ZNF385D: variants seen among roughly 807,000 people sequenced by gnomAD.
ZNF385D encodes zinc finger protein 385D, also known as zinc finger protein 659.
A neutral mutation model predicts 35.8 loss-of-function variants in ZNF385D; 15 were observed. The observed-to-expected ratio is 0.42, with a 90% CI of 0.28 to 0.64. The LOEUF (loss-of-function observed/expected upper bound fraction) is 0.64. ZNF385D is among the 30% of genes least tolerant of loss of function. ZNF385D has a pLI of 0.23. For synonymous variants in ZNF385D, 212 were observed against 186.8 expected, an observed-to-expected ratio of 1.13 and a Z score of -1.10; for missense variants, 474 against 494.6, an observed-to-expected ratio of 0.96 and a Z score of 0.39.
chr3:21,711,590 T>C (rs908897230), intron 1 of ZNF385D, among the ~76,000 whole-genome samples: 1 of 152,190 alleles, frequency 6.6e-6, no homozygotes, highest in East Asian at 1.9e-4. Flanking sequence ...TGCTATCTTA[T>C]AGAGAAAACA....
At chr3:21,499,987 T>G (rs1335427355) in intron 4 of ZNF385D, among the ~76,000 whole-genome samples, 1 of 152,170 alleles carries the variant, frequency 6.6e-6, no homozygotes, top group African/African-American at 2.4e-5. Flanking sequence ...TCCGACTCAA[T>G]AGAGCTTTTT....
At chr3:22,204,895 C>T (rs1318342059) in intron 2 of ZNF385D, among the ~76,000 whole-genome samples, 2 of 146,332 alleles carry the variant, frequency 1.4e-5, no homozygotes, top group Non-Finnish European at 3.0e-5. Flanking sequence ...ATCTAAGAGA[C>T]ACTGGCCATA....
intron 3 of ZNF385D, among the ~76,000 whole-genome samples, chr3:22,041,095 C>T (rs921445099): frequency 1.3e-5 from 2 of 152,068 alleles, no homozygotes; most frequent in Non-Finnish European, 2.9e-5. Flanking sequence ...TCAGTTCTCC[C>T]GCTCTGTCAC....
At chr3:22,145,555 T>G (rs1704797445) in intron 3 of ZNF385D, among the ~76,000 whole-genome samples, 3 of 152,282 alleles carry the variant, frequency 2.0e-5, no homozygotes, top group South Asian at 4.1e-4. Context: ...TCCCTGACCA[T>G]GTGGCATTTC....
intron 2 of ZNF385D, among the ~76,000 whole-genome samples, chr3:21,608,642 C>A (rs567232310): frequency 6.6e-6 from 1 of 152,214 alleles, no homozygotes; most frequent in South Asian, 2.1e-4. Context: ...ACAAAGAGTT[C>A]AAAAAATGTC....
rs145248251 is a variant in ZNF385D at position 21,814,301 on chromosome 3, A to G, written c.326-149273T>C. Among the ~76,000 whole-genome samples, 1,407 of 152,304 alleles carry G rather than the reference A, an allele frequency of 9.2e-3. 13 individuals carry two copies. The highest frequency in any genetic ancestry group is 0.012 in the Non-Finnish European group (845 of 68,018). Reference sequence around the variant, plus strand: ...AAGAAACTGCATCAACTAACGTGCAAAATAACCAGCTAACATCATAATGAT... The same window carrying G: ...AAGAAACTGCATCAACTAACGTGCAGAATAACCAGCTAACATCATAATGAT... On this transcript the variant is annotated intron_variant, in intron 3 of 5. Transcript: ENST00000494108.
intron 3 of ZNF385D, among the ~76,000 whole-genome samples, chr3:22,038,491 G>A: frequency 6.6e-6 from 1 of 152,118 alleles, no homozygotes; most frequent in Non-Finnish European, 1.5e-5. Context: ...GACTGGAGCA[G>A]AGGTAGCATT....
chr3:22,098,412 AGGGAG>A, intron 3 of ZNF385D, among the ~76,000 whole-genome samples: 1 of 152,202 alleles, frequency 6.6e-6, no homozygotes, highest in Middle Eastern at 3.4e-3. Context: ...GTTTAGGAAA[AGGGAG>A]CATTTGGGAG....
At chr3:21,652,295 C>G (rs2065938391) in intron 2 of ZNF385D, among the ~76,000 whole-genome samples, 1 of 151,894 alleles carries the variant, frequency 6.6e-6, no homozygotes, top group South Asian at 2.1e-4. Flanking sequence ...TTGAACAAGC[C>G]AAATTATAAC....
At position 22,342,057 on chromosome 3, in the gene ZNF385D, C is replaced by T. The variant is rs546937357; in HGVS notation, c.106+30393G>A. 1.1e-3 allele frequency among the ~76,000 whole-genome samples: 169 copies of T among 152,030 alleles called. 2 individuals are homozygous for T. Among genetic ancestry groups the T allele is most frequent in the Middle Eastern group, 0.01 (3 of 294 alleles). ...TTGGGAGGCCAAGGCAGGCAGATCA[C>T]GAGGTCAGGAAATCGAGACCATCCT... On this transcript the variant is annotated intron_variant, in intron 2 of 5. Coordinates refer to the ZNF385D transcript ENST00000494108.
chr3:22,298,968 T>C (rs1702753761), intron 2 of ZNF385D, among the ~76,000 whole-genome samples: 1 of 151,992 alleles, frequency 6.6e-6, no homozygotes, highest in African/African-American at 2.4e-5. Flanking sequence ...TAAGAAATGA[T>C]TTGGCAGAGA....
intron 2 of ZNF385D, among the ~76,000 whole-genome samples, chr3:21,602,989 C>G (rs1044133927): frequency 8.5e-5 from 13 of 152,320 alleles, no homozygotes; most frequent in African/African-American, 2.9e-4. Flanking sequence ...GTCATACCCC[C>G]TCTTGCTTCT....
rs1487410093 is a variant in ZNF385D, at chr3:21,751,101, A to C, written c.-185T>G. 1 of 1,483,090 alleles carries C rather than the reference A, an allele frequency of 6.7e-7. No homozygotes were observed. The highest frequency in any genetic ancestry group is 9.0e-7 in the Non-Finnish European group (1 of 1,115,772). The allele number at this position is 1,483,090 out of a possible 1,614,324, so 91.9% of individuals were successfully genotyped here. A position where few individuals can be genotyped will look rare whatever the true frequency, so the allele number is the denominator to read the frequency against. On this transcript the variant is annotated 5_prime_UTR_variant, in exon 1 of 8. Coordinates refer to ENST00000281523, the MANE Select transcript of ZNF385D (RefSeq NM_024697.3). ...CTTGCAGGCTGCCTTTCCAGGGCTA[A>C]GATCCCCGGCGGCTGGAGAGTGCGC...
chr3:22,358,168 G>A (rs574965965), intron 2 of ZNF385D, among the ~76,000 whole-genome samples: 23 of 151,894 alleles, frequency 1.5e-4, no homozygotes, highest in Non-Finnish European at 1.8e-4. Flanking sequence ...ACTTTTGGAT[G>A]TGACACAAAG....
intron 3 of ZNF385D, among the ~76,000 whole-genome samples, chr3:21,966,889 C>T (rs1467398525): frequency 6.6e-6 from 1 of 152,182 alleles, no homozygotes. Context: ...TGGGCTTGAG[C>T]CACAGCCCCT....
At chr3:21,652,178 A>C (rs1004932493) in intron 2 of ZNF385D, among the ~76,000 whole-genome samples, 3 of 152,244 alleles carry the variant, frequency 2.0e-5, no homozygotes, top group Non-Finnish European at 4.4e-5. Context: ...ATCTTCATAA[A>C]CACATTTTCT....
At chr3:22,220,060 C>CTT (rs539089821) in intron 2 of ZNF385D, among the ~76,000 whole-genome samples, 38 of 144,714 alleles carry the variant, frequency 2.6e-4, no homozygotes, top group Admixed American at 2.1e-3. Flanking sequence ...TTCTTTCTTC[C>CTT]TTTTTTTTTT....
chr3:22,065,617 C>G (rs1400543100), intron 3 of ZNF385D, among the ~76,000 whole-genome samples: 2 of 152,052 alleles, frequency 1.3e-5, no homozygotes, highest in Non-Finnish European at 2.9e-5. Flanking sequence ...GAGGAAAGGA[C>G]TGAGTGTGTG....
At chr3:22,028,419 A>G (rs148996380) in intron 3 of ZNF385D, among the ~76,000 whole-genome samples, 16 of 152,226 alleles carry the variant, frequency 1.1e-4, no homozygotes, top group African/African-American at 3.9e-4. Flanking sequence ...ACCAAGGCTG[A>G]CCTGGTTATG....
Sources: gnomAD v4.1 joint callset for allele counts (sites outside exome capture counted in the v4.1 genomes callset) on GRCh38, gnomAD v4.1.1 for gene constraint, MANE v1.5 for transcripts, NCBI Gene and HGNC (gene_info 2026-07-23, HGNC 2026-07-21) for gene names.